The following LRP6 variants were observed in gnomAD, a reference collection of about 807,000 sequenced individuals.
LRP6 encodes LDL receptor related protein 6, also known as low-density lipoprotein receptor-related protein 6.
LRP6 carries 43 observed loss-of-function variants against 184.1 expected under a neutral mutation model. The ratio of observed to expected loss-of-function variants is 0.23; its 90% CI spans 0.18 to 0.30. The LOEUF is 0.30. Ranked by LOEUF, LRP6 falls within the 10% of genes least tolerant of loss-of-function variation. LRP6 has a pLI of 1.00. For synonymous variants in LRP6, 719 were observed against 684.9 expected, an observed-to-expected ratio of 1.05 and a Z score of -0.78; for missense variants, 1,571 against 2,005.3, an observed-to-expected ratio of 0.78 and a Z score of 4.14.
chr12:12,258,053 T>C (rs1382909435), intron 1 of LRP6, among the ~76,000 whole-genome samples: 1 of 152,164 alleles, frequency 6.6e-6, no homozygotes, highest in East Asian at 1.9e-4. Flanking sequence ...CACCTTGAAT[T>C]CAATCTCAGA....
In LRP6 at chr12:12,134,436, G is replaced by C. The variant is rs186009498; in HGVS notation, c.3733+739C>G. On this transcript the variant is annotated intron_variant, in intron 17 of 22. Coordinates refer to ENST00000261349, the MANE Select transcript of LRP6 (RefSeq NM_002336.3). Reference sequence around the variant, plus strand: ...CCAAAAGGAGGATATCTGAATTAAGGGTATGAATACTATTGTGGTGCCTGA... The same window carrying C: ...CCAAAAGGAGGATATCTGAATTAAGCGTATGAATACTATTGTGGTGCCTGA... Among the ~76,000 whole-genome samples, 757 of 152,036 alleles carry C rather than the reference G, an allele frequency of 5.0e-3. 15 individuals carry two copies. The highest frequency in any genetic ancestry group is 2.5e-3 in the Non-Finnish European group (173 of 67,982).
At chr12:12,220,317 C>T (rs934862984) in intron 2 of LRP6, among the ~76,000 whole-genome samples, 2 of 151,854 alleles carry the variant, frequency 1.3e-5, no homozygotes, top group Non-Finnish European at 2.9e-5. Context: ...TTCCTTCATC[C>T]AGTTTTAAAA....
chr12:12,171,384 T>C (rs1353782567), intron 7 of LRP6, among the ~76,000 whole-genome samples: 1 of 151,340 alleles, frequency 6.6e-6, no homozygotes, highest in African/African-American at 2.4e-5. Context: ...TAGCCAGGCG[T>C]GGTGGCGGGT....
At chr12:12,246,527 C>CA (rs958689114) in intron 1 of LRP6, among the ~76,000 whole-genome samples, 1 of 151,546 alleles carries the variant, frequency 6.6e-6, no homozygotes, top group Non-Finnish European at 1.5e-5. Flanking sequence ...CCCATCTCTA[C>CA]AAAAAAATTA....
At chr12:12,239,791 A>G (rs1475490714) in intron 2 of LRP6, among the ~76,000 whole-genome samples, 5 of 151,916 alleles carry the variant, frequency 3.3e-5, no homozygotes, top group African/African-American at 1.2e-4. Context: ...AGCTTTTATT[A>G]AAAAGCAAAG....
chr12:12,128,896 C>T (rs1356793149), intron 19 of LRP6, among the ~76,000 whole-genome samples: 3 of 152,046 alleles, frequency 2.0e-5, no homozygotes, highest in African/African-American at 7.2e-5. Context: ...GAAACAACTC[C>T]GAAATCTGTT....
chr12:12,159,797 T>G lies in LRP6; in HGVS notation c.2447A>C (p.Glu816Ala), dbSNP rs780256112. 3 of 1,614,134 alleles carry G rather than the reference T, an allele frequency of 1.9e-6. No individual in the cohort carries two copies. Among genetic ancestry groups the G allele is most frequent in the Middle Eastern group, 3.3e-4 (2 of 6,060 alleles). Residue 816 changes from glutamate to alanine, a missense_variant, in exon 11 of 23, where the codon GAA becomes GCA. Around this residue, in one of 4 missense-constraint regions of LRP6, gnomAD observed 158 missense variants for 258.4 expected, o/e 0.61. Transcript: ENST00000261349. ...AAGCTTACCAAGCATATTTGAAGAT[T>G]CTATTAAGTTGGTGTCCAGGTCTGT... ...YWTDLDTNLI[E>A]SSNMLGLNRE...
Position 12,125,363 on chromosome 12 carries a change from T to C in LRP6, c.4382A>G (p.Asp1461Gly). 1 of 1,614,020 alleles carries C rather than the reference T, an allele frequency of 6.2e-7. No individual in the cohort carries two copies. Residue 1461 changes from aspartate (D) to glycine (G), a missense_variant, in exon 21 of 23, where the codon GAC becomes GGC. Asp to Gly is a moderately conservative substitution (Grantham distance 94, BLOSUM62 -1). This residue lies in a region of LRP6 where 763 missense variants were observed against 859.5 expected (regional missense o/e 0.89). Transcript: ENST00000261349. ...IMGGSSGPPY[D>G]RAHVTGASSS... ...TGATGCTCCTGTAACATGGGCTCGG[T>C]CATAGGGGGGTCCACTGCTTCCCCC...
chr12:12,176,490 C>A (rs921283556), intron 7 of LRP6, among the ~76,000 whole-genome samples: 1 of 152,138 alleles, frequency 6.6e-6, no homozygotes, highest in Admixed American at 6.6e-5. Flanking sequence ...CCCTCCTTCC[C>A]GAAGCTTATT....
At chr12:12,205,068 C>T (rs981004652) in intron 2 of LRP6, among the ~76,000 whole-genome samples, 1 of 151,864 alleles carries the variant, frequency 6.6e-6, no homozygotes, top group Non-Finnish European at 1.5e-5. Flanking sequence ...GTGGCTCACA[C>T]TTGTAATCCT....
chr12:12,191,016 G>C (rs1565624971), intron 3 of LRP6, among the ~76,000 whole-genome samples: 1 of 152,156 alleles, frequency 6.6e-6, no homozygotes, highest in Admixed American at 6.5e-5. Context: ...GACTGATATT[G>C]GCACCTCTGC....
Position 12,138,330 on chromosome 12 carries a change from T to C in LRP6, c.3602A>G (p.Glu1201Gly), listed in dbSNP as rs185244696. ...IHAVKELNLQ[E>G]YRQHPCAQDN... ...TTTATCCCATTAACACTTACTGTAT[T>C]CTTGAAGGTTCAGCTCCTTTACTGC... Residue 1201 changes from glutamate to glycine, a missense_variant, in exon 16 of 23, where the codon GAA becomes GGA. By Grantham distance (98) the Glu-to-Gly change is moderately conservative. This residue lies in a region of LRP6 where 763 missense variants were observed against 859.5 expected (regional missense o/e 0.89). Transcript: ENST00000261349. 2.5e-6 allele frequency: 4 copies of C among 1,613,350 alleles called. No homozygotes were observed. Among genetic ancestry groups the C allele is most frequent in the African/African-American group, 1.3e-5 (1 of 75,038 alleles).
chr12:12,177,150 A>C (rs1313622996), intron 7 of LRP6, among the ~76,000 whole-genome samples: 6 of 152,098 alleles, frequency 3.9e-5, no homozygotes. Context: ...CCGGCCAACC[A>C]AACAGACTCT....
At chr12:12,191,462 C>CTCTG (rs1303539500) in intron 3 of LRP6, among the ~76,000 whole-genome samples, 1 of 152,182 alleles carries the variant, frequency 6.6e-6, no homozygotes, top group Non-Finnish European at 1.5e-5. Flanking sequence ...AACTTATGAA[C>CTCTG]TCTGCCTTCT....
In LRP6 at chr12:12,118,085, T is replaced by A. The variant is rs1949541610; in HGVS notation, c.*3041A>T. ...AGCTACTTTTATATTAAAATTAAAG[T>A]AACTACATAATCTTCTGCTAAACAG... On this transcript the variant is annotated 3_prime_UTR_variant, in exon 23 of 23. Transcript: ENST00000261349. The A allele has an allele frequency of 6.6e-6, 1 of 152,190 alleles. No homozygotes were observed. Among genetic ancestry groups the A allele is most frequent in the South Asian group, 2.1e-4 (1 of 4,834 alleles). The allele number at this position is 152,190 out of a possible 1,614,324, so 9.4% of individuals were successfully genotyped here.
chr12:12,138,901 A>T (rs1816368101), intron 15 of LRP6: 1 of 1,370,896 alleles, frequency 7.3e-7, no homozygotes, highest in South Asian at 1.1e-5. Flanking sequence ...TACCTGAGGC[A>T]TTTATGAAGA....
chr12:12,263,429 G>A (rs1191396610), intron 1 of LRP6, among the ~76,000 whole-genome samples: 1 of 150,460 alleles, frequency 6.6e-6, no homozygotes, highest in African/African-American at 2.4e-5. Context: ...ACAAAAAAAT[G>A]AGTCCCAGCT....
At chr12:12,225,490 T>C (rs550844712) in intron 2 of LRP6, among the ~76,000 whole-genome samples, 2 of 152,258 alleles carry the variant, frequency 1.3e-5, no homozygotes, top group South Asian at 4.1e-4. Context: ...GATGACTTGC[T>C]GGAGGCTTAG....
intron 20 of LRP6, 62 bp downstream of exon 20, chr12:12,126,629 A>G (rs1949675126): frequency 2.0e-5 from 26 of 1,282,948 alleles, no homozygotes; most frequent in Non-Finnish European, 2.6e-5. Context: ...CTTTTCCACA[A>G]TGGAAACTGG....
Sources: gnomAD v4.1 joint callset for allele counts (sites outside exome capture counted in the v4.1 genomes callset) on GRCh38, gnomAD v4.1.1 for gene constraint, gnomAD v4.1.1 regional missense constraint, MANE v1.5 for transcripts, NCBI Gene and HGNC (gene_info 2026-07-23, HGNC 2026-07-21) for gene names.